SPATA22: variants seen among roughly 807,000 people sequenced by gnomAD.
The protein encoded by SPATA22 is spermatogenesis-associated protein 22.
SPATA22 carries 29 observed loss-of-function variants against 47.8 expected under a neutral mutation model. The observed-to-expected ratio is 0.61, with a 90% CI of 0.45 to 0.83. SPATA22 has a LOEUF of 0.83. SPATA22 is among the 40% of genes least tolerant of loss of function. The probability of loss-of-function intolerance (pLI) is 0.00; values close to 1 mark genes in which losing one functional copy is unlikely to be tolerated. For missense variants in SPATA22, 410 were observed against 421.7 expected (o/e 0.97, Z 0.24); for synonymous variants, 133 against 140.9 (o/e 0.94, Z 0.40).
chr17:3,505,950 G>T (rs1390871420), intron 1 of SPATA22, among the ~76,000 whole-genome samples: 1 of 152,056 alleles, frequency 6.6e-6, no homozygotes, highest in Non-Finnish European at 1.5e-5. Context: ...TAGAGATGGG[G>T]TTTCATCATA....
chr17:3,481,891 G>A (rs372299401), intron 1 of SPATA22: 2 of 1,212,318 alleles, frequency 1.6e-6, no homozygotes, highest in South Asian at 1.4e-5. Context: ...AGTTATGAGG[G>A]AAGGTGCAAG....
At chr17:3,470,760 A>G (rs901895103) in intron 1 of SPATA22, among the ~76,000 whole-genome samples, 11 of 66,890 alleles carry the variant, frequency 1.6e-4, no homozygotes, top group African/African-American at 3.4e-4. Flanking sequence ...CAAAAAAAAA[A>G]GAAAAAAAAA....
chr17:3,504,826 TG>T (rs1353036864), intron 1 of SPATA22, among the ~76,000 whole-genome samples: 1 of 152,188 alleles, frequency 6.6e-6, no homozygotes, highest in African/African-American at 2.4e-5. Context: ...CCAAGAGTGC[TG>T]GGATTACAGG....
intron 1 of SPATA22, chr17:3,510,525 T>A (rs1157863798): frequency 1.3e-5 from 2 of 152,236 alleles, no homozygotes; most frequent in Non-Finnish European, 2.9e-5. Context: ...CAAATATTTA[T>A]TAGAAATCAA....
upstream of SPATA22, among the ~76,000 whole-genome samples, chr17:3,472,925 T>G (rs1273538216): frequency 6.6e-6 from 1 of 152,198 alleles, no homozygotes; most frequent in African/African-American, 2.4e-5. Context: ...GGGCCATCTT[T>G]TATTTTGGGA....
chr17:3,463,442 A>G (rs915105000), intron 3 of SPATA22, among the ~76,000 whole-genome samples: 1 of 152,316 alleles, frequency 6.6e-6, no homozygotes, highest in Non-Finnish European at 1.5e-5. Flanking sequence ...GTATTTGTGT[A>G]TCTAAACATA....
intron 1 of SPATA22, among the ~76,000 whole-genome samples, chr17:3,487,358 G>A (rs1455177847): frequency 1.3e-5 from 2 of 152,108 alleles, no homozygotes; most frequent in East Asian, 3.8e-4. Flanking sequence ...GTTGGAAGGA[G>A]AACATATAAC....
At chr17:3,448,518 T>C (rs1267962820) in intron 6 of SPATA22, among the ~76,000 whole-genome samples, 1 of 152,202 alleles carries the variant, frequency 6.6e-6, no homozygotes, top group Non-Finnish European at 1.5e-5. Flanking sequence ...GGTAACTTCA[T>C]AAACAATGGA....
intron 5 of SPATA22, 122 bp downstream of exon 5, chr17:3,462,361 T>C (rs2073141545): frequency 3.0e-6 from 2 of 671,492 alleles, no homozygotes; most frequent in Non-Finnish European, 5.0e-6. Flanking sequence ...TTGTTATTTA[T>C]AGAAATTTCC....
intron 7 of SPATA22, 127 bp downstream of exon 7, chr17:3,446,345 T>G: frequency 1.2e-6 from 1 of 834,730 alleles, no homozygotes; most frequent in Non-Finnish European, 1.8e-6. Flanking sequence ...TAAAACCAGT[T>G]CTTTGAATAC....
chr17:3,473,109 TAAAA>T (rs34905771), upstream of SPATA22, among the ~76,000 whole-genome samples: 2 of 129,344 alleles, frequency 1.5e-5, no homozygotes, highest in Admixed American at 8.0e-5. Flanking sequence ...GATTTTTCAT[TAAAA>T]AAAAAAAAAA....
intron 1 of SPATA22, chr17:3,489,378 C>G (rs2073783053): frequency 6.7e-7 from 1 of 1,488,348 alleles, no homozygotes; most frequent in Non-Finnish European, 9.4e-7. Context: ...TCAAACTTAA[C>G]CACCAAACAT....
intron 1 of SPATA22, among the ~76,000 whole-genome samples, chr17:3,508,897 TAAAAAAAAAAA>T (rs59201485): frequency 2.7e-5 from 3 of 112,998 alleles, no homozygotes; most frequent in East Asian, 2.4e-4. Context: ...GCTTAAAGTA[TAAAAAAAAAAA>T]AAAAAAAAAA....
At chr17:3,453,605 C>T (rs2318034) in intron 5 of SPATA22, among the ~76,000 whole-genome samples, 35,561 of 151,996 alleles carry the variant, frequency 0.23, 4,430 homozygotes, top group East Asian at 0.42. Context: ...TGCCCACTCT[C>T]ACCACTTCTA....
chr17:3,496,810 T>G (rs993658331), intron 1 of SPATA22, among the ~76,000 whole-genome samples: 6 of 152,214 alleles, frequency 3.9e-5, no homozygotes, highest in African/African-American at 1.4e-4. Context: ...CTCACGCCTG[T>G]AATCCCAGCG....
At chr17:3,478,386 AG>A (rs1454658476) in intron 1 of SPATA22, among the ~76,000 whole-genome samples, 1 of 152,208 alleles carries the variant, frequency 6.6e-6, no homozygotes, top group African/African-American at 2.4e-5. Context: ...ATTATACTGC[AG>A]TCATCCTGTT....
intron 1 of SPATA22, among the ~76,000 whole-genome samples, chr17:3,504,502 C>A (rs963566293): frequency 6.8e-6 from 1 of 147,492 alleles, no homozygotes; most frequent in Admixed American, 6.7e-5. Flanking sequence ...AAGGAAAAAA[C>A]AACCATTTAA....
chr17:3,494,305 A>C, intron 1 of SPATA22: 4 of 1,444,642 alleles, frequency 2.8e-6, no homozygotes, highest in Non-Finnish European at 3.9e-6. Context: ...CACCCGGCCC[A>C]GAGATGTTTT....
chr17:3,480,290 G>C (rs189443963), intron 1 of SPATA22, among the ~76,000 whole-genome samples: 1 of 152,344 alleles, frequency 6.6e-6, no homozygotes, highest in East Asian at 1.9e-4. Context: ...ACACAGAGCC[G>C]GCTGTACAGA....
Sources: allele counts gnomAD v4.1 joint callset (sites outside exome capture counted in the v4.1 genomes callset), GRCh38; gene constraint gnomAD v4.1.1; transcripts MANE v1.5; gene names NCBI Gene and HGNC (gene_info 2026-07-23, HGNC 2026-07-21).